The following BST1 variants were observed in gnomAD, a reference collection of about 807,000 sequenced individuals.
BST1 encodes the protein ADP-ribosyl cyclase/cyclic ADP-ribose hydrolase 2.
A neutral mutation model predicts 40.6 loss-of-function variants in BST1; 49 were observed. That is an observed-to-expected ratio of 1.21 (90% CI 0.96 to 1.53). The LOEUF (loss-of-function observed/expected upper bound fraction) is 1.53, where lower values mean the gene tolerates loss of function less well. BST1 is among the 40% of genes most tolerant of loss of function. The probability of loss-of-function intolerance (pLI) is 0.00; values close to 1 mark genes in which losing one functional copy is unlikely to be tolerated. For synonymous variants in BST1, 157 were observed against 159.3 expected (o/e 0.99, Z 0.11); for missense variants, 423 against 395.9 (o/e 1.07, Z -0.58).
the BST1 span, among the ~76,000 whole-genome samples, chr4:15,759,702 AG>A: frequency 1.7e-3 from 219 of 129,636 alleles, 6 homozygotes; most frequent in African/African-American, 6.5e-3. Context: ...TTTCTGTAAC[AG>A]GGGGTGTCAT....
At chr4:15,714,001 ACT>A (rs888757849) in intron 4 of BST1, among the ~76,000 whole-genome samples, 2 of 151,344 alleles carry the variant, frequency 1.3e-5, no homozygotes, top group African/African-American at 4.9e-5. Context: ...ACAGCGCCTG[ACT>A]CTGCACACAT....
At chr4:15,713,436 A>G (rs1720331546) in intron 4 of BST1, among the ~76,000 whole-genome samples, 1 of 152,026 alleles carries the variant, frequency 6.6e-6, no homozygotes, top group Non-Finnish European at 1.5e-5. Context: ...CACCCGCCTC[A>G]GCCTCCCAAA....
At chr4:15,755,132 C>CT in the BST1 span, among the ~76,000 whole-genome samples, 7 of 151,970 alleles carry the variant, frequency 4.6e-5, no homozygotes, top group African/African-American at 1.4e-4. Flanking sequence ...ATCAGTTTCT[C>CT]TTTTTTTTAT....
the BST1 span, among the ~76,000 whole-genome samples, chr4:15,773,018 G>A: frequency 6.6e-6 from 1 of 152,090 alleles, no homozygotes; most frequent in African/African-American, 2.4e-5. Context: ...TGAAAGGGGT[G>A]ACTTGGAAAA....
chr4:15,730,589 G>A (rs1721322004), intron 8 of BST1, among the ~76,000 whole-genome samples: 1 of 152,226 alleles, frequency 6.6e-6, no homozygotes, highest in Non-Finnish European at 1.5e-5. Context: ...TTCCATTTGT[G>A]CTTAGATAAA....
chr4:15,731,642 C>T (rs1018089151), intron 8 of BST1, 98 bp from the exon 9 acceptor site: 27 of 1,455,860 alleles, frequency 1.9e-5, no homozygotes, highest in Non-Finnish European at 2.5e-5. Flanking sequence ...TCTCGCTCCG[C>T]GCTAACCAGA....
At chr4:15,771,357 C>T in the BST1 span, among the ~76,000 whole-genome samples, 2 of 152,152 alleles carry the variant, frequency 1.3e-5, no homozygotes, top group Non-Finnish European at 2.9e-5. Context: ...TGGGTAGTTC[C>T]TTGTGCATTA....
intron 2 of BST1, among the ~76,000 whole-genome samples, chr4:15,707,104 A>C (rs558349089): frequency 6.6e-6 from 1 of 152,348 alleles, no homozygotes; most frequent in African/African-American, 2.4e-5. Flanking sequence ...GCTCTGGAAG[A>C]AGAGAAAGGG....
chr4:15,715,337 C>A lies in BST1; in HGVS notation c.587C>A (p.Pro196Gln). ...VIHVMLNGSEPTGAYPIKGFF... is the reference protein window; with the variant it reads ...VIHVMLNGSEQTGAYPIKGFF... ...CACGTCATGCTGAATGGTTCAGAGC[C>A]AACAGGAGCCTATCCCATCAAAGGG... The change falls in exon 5 of 9, where the codon CCA (proline) becomes CAA (glutamine). Residue 196 changes from proline (P) to glutamine (Q), a missense_variant. Pro to Gln is a moderately conservative substitution (Grantham distance 76). Coordinates refer to ENST00000265016, the MANE Select transcript of BST1 (RefSeq NM_004334.3). 6.2e-7 allele frequency: 1 copy of A among 1,614,076 alleles called. No homozygotes were observed. Among genetic ancestry groups the A allele is most frequent in the South Asian group, 1.1e-5 (1 of 91,080 alleles).
the BST1 span, among the ~76,000 whole-genome samples, chr4:15,768,263 G>A: frequency 6.6e-6 from 1 of 152,150 alleles, no homozygotes; most frequent in Non-Finnish European, 1.5e-5. Flanking sequence ...AAAAATGGCA[G>A]AATTTAAAGT....
chr4:15,730,474 C>T (rs562640401), intron 8 of BST1, among the ~76,000 whole-genome samples: 19 of 152,262 alleles, frequency 1.2e-4, no homozygotes, highest in Middle Eastern at 3.4e-3. Flanking sequence ...GTGTTCCATC[C>T]GTACAATAAG....
At chr4:15,723,307 C>A (rs754694029) in intron 8 of BST1, 10 of 167,664 alleles carry the variant, frequency 6.0e-5, no homozygotes, top group Non-Finnish European at 1.1e-4. Flanking sequence ...AGTGCAGTGG[C>A]GCAATCTCGG....
intron 7 of BST1, among the ~76,000 whole-genome samples, chr4:15,720,065 A>C (rs1720729056): frequency 6.6e-6 from 1 of 152,232 alleles, no homozygotes; most frequent in Non-Finnish European, 1.5e-5. Context: ...GCATACCTGC[A>C]ACCAGCCCTC....
intron 8 of BST1, 176 bp from the exon 9 acceptor site, chr4:15,731,564 G>C (rs1721373600): frequency 3.8e-6 from 4 of 1,048,396 alleles, no homozygotes; most frequent in Non-Finnish European, 5.8e-6. Context: ...TGCTTGCGCT[G>C]GTTTCGGTGC....
chr4:15,770,744 AT>A, the BST1 span, among the ~76,000 whole-genome samples: 1 of 144,562 alleles, frequency 6.9e-6, no homozygotes, highest in Non-Finnish European at 1.6e-5. Context: ...ATTCCTTCTG[AT>A]TCCCCCTGTT....
At position 15,731,757 on chromosome 4, in the gene BST1, A is replaced by G. The variant is rs374457002; in HGVS notation, c.869A>G (p.Gln290Arg). ...ATTTGCAGGGCAGCAGCCGCTACTC[A>G]AAGAAAAGCCCCAAGTCTTTATACA... ...CALKSAAAAT[Q>R]RKAPSLYTEQ... The change falls in exon 9 of 9, where the codon CAA (glutamine) becomes CGA (arginine). Residue 290 changes from glutamine (Q) to arginine (R), a missense_variant. Coordinates refer to ENST00000265016, the MANE Select transcript of BST1 (RefSeq NM_004334.3). 3.7e-6 allele frequency: 6 copies of G among 1,613,182 alleles called. No homozygotes were observed. Among genetic ancestry groups the G allele is most frequent in the Admixed American group, 3.3e-5 (2 of 59,852 alleles).
intron 8 of BST1, among the ~76,000 whole-genome samples, chr4:15,724,635 G>A (rs1721001199): frequency 1.3e-5 from 2 of 152,050 alleles, no homozygotes; most frequent in Admixed American, 6.6e-5. Flanking sequence ...GCAGTGAGCC[G>A]AGATTGCACC....
downstream of BST1, among the ~76,000 whole-genome samples, chr4:15,742,798 G>A (rs193233575): frequency 7.0e-4 from 106 of 152,352 alleles, no homozygotes; most frequent in Middle Eastern, 0.014. Context: ...GCCTGCTGGG[G>A]AACTAAGGCA....
chr4:15,726,035 C>T (rs941246396), intron 8 of BST1, among the ~76,000 whole-genome samples: 1 of 139,566 alleles, frequency 7.2e-6, no homozygotes, highest in East Asian at 2.3e-4. Context: ...AATCACGGCT[C>T]ACTGCAGGTT....
Sources: allele counts gnomAD v4.1 joint callset (sites outside exome capture counted in the v4.1 genomes callset), GRCh38; gene constraint gnomAD v4.1.1; transcripts MANE v1.5; gene names NCBI Gene and HGNC (gene_info 2026-07-23, HGNC 2026-07-21).